DOK7: variants seen among roughly 807,000 people sequenced by gnomAD.
DOK7 encodes protein Dok-7.
DOK7 carries 32 observed loss-of-function variants against 30.7 expected under a neutral mutation model. That is an observed-to-expected ratio of 1.04 (90% confidence interval 0.79 to 1.40). DOK7 has a LOEUF of 1.40. DOK7 is among the 40% of genes most tolerant of loss of function. DOK7 has a pLI of 0.00. For missense variants in DOK7, 1,007 were observed against 699.2 expected, an observed-to-expected ratio of 1.44 and a Z score of -4.97; for synonymous variants, 447 against 324.1, an observed-to-expected ratio of 1.38 and a Z score of -4.07.
intron 5 of DOK7, among the ~76,000 whole-genome samples, chr4:3,486,222 G>A (rs916287604): frequency 6.6e-6 from 1 of 152,230 alleles, no homozygotes; most frequent in Non-Finnish European, 1.5e-5. Flanking sequence ...ACTCTCTGCA[G>A]GAGTCCTTGG....
chr4:3,468,228 G>C (rs1726436438), intron 2 of DOK7, among the ~76,000 whole-genome samples: 2 of 152,038 alleles, frequency 1.3e-5, no homozygotes, highest in South Asian at 2.1e-4. Flanking sequence ...GTGAATACCT[G>C]TGTGGGGGTG....
intron 2 of DOK7, among the ~76,000 whole-genome samples, chr4:3,469,226 C>T (rs895947407): frequency 6.6e-6 from 1 of 151,728 alleles, no homozygotes; most frequent in Admixed American, 6.6e-5. Context: ...TGTGAGTGTG[C>T]GTGTGTGCCT....
At chr4:3,469,075 TGA>T (rs1451027063) in intron 2 of DOK7, among the ~76,000 whole-genome samples, 2 of 144,064 alleles carry the variant, frequency 1.4e-5, no homozygotes, top group Non-Finnish European at 3.0e-5. Context: ...TGTGTGTGCC[TGA>T]GTGTACATGT....
intron 5 of DOK7, among the ~76,000 whole-genome samples, chr4:3,487,325 G>C (rs1039123631): frequency 6.6e-6 from 1 of 152,252 alleles, no homozygotes. Flanking sequence ...CTGGGCTGAT[G>C]GGTTCGTCTG....
At chr4:3,476,565 A>T in intron 4 of DOK7, 23 bp downstream of exon 4, 2 of 1,613,302 alleles carry the variant, frequency 1.2e-6, no homozygotes, top group South Asian at 2.2e-5. Flanking sequence ...GTGTGGGGTC[A>T]CTGGGCAGCA....
intron 6 of DOK7, among the ~76,000 whole-genome samples, chr4:3,491,423 T>G (rs1369313426): frequency 1.1e-5 from 1 of 88,482 alleles, no homozygotes; most frequent in Non-Finnish European, 2.5e-5. Flanking sequence ...TCTTTCCTTC[T>G]TCCCCTGCTC....
At chr4:3,488,893 C>CA (rs1251482115) in intron 5 of DOK7, among the ~76,000 whole-genome samples, 1 of 151,912 alleles carries the variant, frequency 6.6e-6, no homozygotes, top group Non-Finnish European at 1.5e-5. Context: ...GCAAGGTAGC[C>CA]ACTTGGCCCA....
At chr4:3,487,113 C>G (rs542069992) in intron 5 of DOK7, among the ~76,000 whole-genome samples, 1 of 152,308 alleles carries the variant, frequency 6.6e-6, no homozygotes, top group East Asian at 1.9e-4. Flanking sequence ...CACAGGACAT[C>G]TTTGTCAGAG....
In DOK7 at chr4:3,491,189, CTG is replaced by C. The variant is rs1728389260; in HGVS notation, c.772+1394_772+1395del. Among the ~76,000 whole-genome samples, 13 of 11,312 alleles carry C rather than the reference CTG, an allele frequency of 1.1e-3. No individual in the cohort carries two copies. The South Asian group carries it at 0.021, about 19-fold the overall frequency. The allele number at this position is 11,312 out of a possible 152,430, so 7.4% of individuals were successfully genotyped here. A position where few individuals can be genotyped will look rare whatever the true frequency, so the allele number is the denominator to read the frequency against. ...CTCCTGCTCATTCATTCCTTCCCCC[CTG>C]CTCATTCCTTCCCCCCTGCTCATTC... is the stretch of plus-strand genomic sequence containing the variant. On this transcript the variant is annotated intron_variant, in intron 6 of 6. Transcript: ENST00000340083.
rs111522010 is a variant in DOK7, at chr4:3,492,655, C to T, written c.773-104C>T. The T allele has an allele frequency of 9.2e-4, 1,385 of 1,512,340 alleles. 14 individuals are homozygous for T. Among genetic ancestry groups the T allele is most frequent in the South Asian group, 6.0e-3 (508 of 85,202 alleles). 93.7% of individuals were successfully genotyped at this position (1,512,340 alleles called of 1,614,324 possible). ...GGCTTGGGGGCTGGAAGGGGTGGGG[C>T]GAGACCAGAGAGTGCTGGCCTGTGG... On this transcript the variant is annotated intron_variant, in intron 6 of 6. Transcript: ENST00000340083.
In DOK7 at chr4:3,489,804, CG is replaced by C; in HGVS notation, c.772+13del. The C allele has an allele frequency of 2.5e-6, 4 of 1,569,212 alleles. No individual in the cohort carries two copies. Among genetic ancestry groups the C allele is most frequent in the East Asian group, 4.7e-5 (2 of 42,578 alleles). Reference sequence around the variant, plus strand: ...GCAGGCCGGGCAGTGGAGGTAGGGCCGGGGGCTGACCTGGGCTGTGGGACCT... The same window carrying C: ...GCAGGCCGGGCAGTGGAGGTAGGGCCGGGGCTGACCTGGGCTGTGGGACCT... On this transcript the variant is annotated intron_variant, in intron 6 of 6. Coordinates refer to ENST00000340083, the MANE Select transcript of DOK7 (RefSeq NM_173660.5).
intron 4 of DOK7, among the ~76,000 whole-genome samples, chr4:3,480,109 A>G (rs1727352093): frequency 6.6e-6 from 1 of 152,178 alleles, no homozygotes; most frequent in Admixed American, 6.5e-5. Context: ...GAGCCCACCC[A>G]GAGCCTAGGA....
intron 4 of DOK7, among the ~76,000 whole-genome samples, chr4:3,479,644 GC>G (rs1331194025): frequency 1.3e-5 from 2 of 152,176 alleles, no homozygotes; most frequent in African/African-American, 2.4e-5. Flanking sequence ...GGTGACCCTG[GC>G]CCAAGGCGAT....
chr4:3,465,361 C>G (rs531217226), intron 2 of DOK7, among the ~76,000 whole-genome samples: 1 of 152,216 alleles, frequency 6.6e-6, no homozygotes, highest in Non-Finnish European at 1.5e-5. Flanking sequence ...GCTGCCTTCC[C>G]GCTCAGCGCT....
chr4:3,487,279 G>A (rs1173707612), intron 5 of DOK7, among the ~76,000 whole-genome samples: 1 of 152,226 alleles, frequency 6.6e-6, no homozygotes, highest in East Asian at 1.9e-4. Flanking sequence ...GAGAAGCCGT[G>A]GGCCCAGCCC....
rs530021903 is a variant in DOK7 at position 3,488,857 on chromosome 4, C to T, written c.653-820C>T. Among the ~76,000 whole-genome samples the T allele has an allele frequency of 5.9e-5, 9 of 152,330 alleles. No individual in the cohort carries two copies. In the South Asian group the frequency reaches 1.9e-3, roughly 32 times the overall value. ...GTGGGTGCTGTGGATGTGGAAGGGG[C>T]AGGGTCTTGAGCCCTGCTGTTTGGA... On this transcript the variant is annotated intron_variant, in intron 5 of 6. Coordinates refer to ENST00000340083, the MANE Select transcript of DOK7 (RefSeq NM_173660.5).
chr4:3,486,469 C>T (rs190772379), intron 5 of DOK7, among the ~76,000 whole-genome samples: 9,118 of 152,348 alleles, frequency 0.06, 380 homozygotes, highest in African/African-American at 0.11. Flanking sequence ...CGTGGTGTGG[C>T]GGGGAAGGGT....
chr4:3,475,050 C>G (rs1352046441), intron 3 of DOK7, among the ~76,000 whole-genome samples: 3 of 152,252 alleles, frequency 2.0e-5, no homozygotes, highest in East Asian at 1.9e-4. Context: ...CCCGCTCCCC[C>G]AGTCTTGTCC....
At chr4:3,492,586 A>G (rs1420478527) in intron 6 of DOK7, among the ~76,000 whole-genome samples, 173 bp from the exon 7 acceptor site, 1 of 149,866 alleles carries the variant, frequency 6.7e-6, no homozygotes. Context: ...TGAGGGGTAG[A>G]GGGGTTGTTG....
Sources: allele counts gnomAD v4.1 joint callset (sites outside exome capture counted in the v4.1 genomes callset), GRCh38; gene constraint gnomAD v4.1.1; transcripts MANE v1.5; gene names NCBI Gene and HGNC (gene_info 2026-07-23, HGNC 2026-07-21).